The following TUBGCP2 variants were observed in gnomAD, a reference collection of about 807,000 sequenced individuals.
TUBGCP2 encodes tubulin gamma complex component 2.
A neutral mutation model predicts 92.2 loss-of-function variants in TUBGCP2; 55 were observed. That is an observed-to-expected ratio of 0.60 (90% CI 0.48 to 0.75). The LOEUF is 0.75. Among genes scored for constraint, TUBGCP2 ranks in the 30% least tolerant of loss-of-function variants. The probability of loss-of-function intolerance (pLI) is 0.00; values close to 1 mark genes in which losing one functional copy is unlikely to be tolerated. For missense variants in TUBGCP2, 1,093 were observed against 1,188.9 expected, an observed-to-expected ratio of 0.92 and a Z score of 1.19; for synonymous variants, 533 against 505.2, an observed-to-expected ratio of 1.06 and a Z score of -0.74.
intron 17 of TUBGCP2, among the ~76,000 whole-genome samples, chr10:133,280,111 G>A (rs1216395680): frequency 6.6e-6 from 1 of 152,238 alleles, no homozygotes; most frequent in Non-Finnish European, 1.5e-5. Flanking sequence ...ATGGGGAAGT[G>A]TTCAGCTACA....
At chr10:133,311,741 G>C (rs142332607), upstream of TUBGCP2, 1 of 1,613,598 alleles carries the variant, frequency 6.2e-7, no homozygotes, top group Non-Finnish European at 8.5e-7. Context: ...AGCCCCAGGG[G>C]ACAGTGGAGA....
intron 7 of TUBGCP2, 91 bp downstream of exon 7, chr10:133,292,948 C>A: frequency 1.4e-6 from 2 of 1,430,296 alleles, no homozygotes; most frequent in East Asian, 2.4e-5. Flanking sequence ...GCAGCTGCTC[C>A]ACGGCCCCTG....
chr10:133,305,104 G>A lies in TUBGCP2; in HGVS notation c.-39-2124C>T, dbSNP rs556005343. Among the ~76,000 whole-genome samples, 4 of 152,308 alleles carry A rather than the reference G, an allele frequency of 2.6e-5. No homozygotes were observed. The South Asian group carries it at 8.3e-4, about 32-fold the overall frequency. ...CTGACATCAGTCAGGCCCGCCCGCA[G>A]TTATCCGGAGGCCTGACTGTCTCCC... is the stretch of plus-strand genomic sequence containing the variant. On this transcript the variant is annotated intron_variant, in intron 1 of 17. Transcript: ENST00000252936.
chr10:133,297,347 G>T (rs1252187476), intron 5 of TUBGCP2: 1 of 420,884 alleles, frequency 2.4e-6, no homozygotes, highest in South Asian at 1.7e-5. Flanking sequence ...GCAGTGTGCC[G>T]AGATCACGCC....
Position 133,281,412 on chromosome 10 carries a change from C to G in TUBGCP2, c.2434G>C (p.Val812Leu). 6.2e-7 allele frequency: 1 copy of G among 1,613,366 alleles called. No homozygotes were observed. Among genetic ancestry groups the G allele is most frequent in the Non-Finnish European group, 8.5e-7 (1 of 1,180,012 alleles). The change falls in exon 17 of 18, where the codon GTG becomes CTG. Residue 812 changes from valine to leucine, a missense_variant. Transcript: ENST00000252936. ...RKHLAEHADTVQLVSGFEATI... is the reference protein window; with the variant it reads ...RKHLAEHADTLQLVSGFEATI... The stretch of plus-strand genomic sequence containing the variant: ...GCCTCGAAGCCGGACACCAGCTGCA[C>G]AGTGTCTGCGTGCTCAGCCAGGTGC...
intron 14 of TUBGCP2, among the ~76,000 whole-genome samples, chr10:133,283,581 G>A (rs1042102100): frequency 6.6e-5 from 10 of 152,074 alleles, no homozygotes; most frequent in African/African-American, 2.2e-4. Context: ...AAGGGGTCCC[G>A]TGTGTGGCCA....
In TUBGCP2 at chr10:133,283,193, T is replaced by C. The variant is rs749386286; in HGVS notation, c.2174A>G (p.His725Arg). The C allele has an allele frequency of 6.2e-7, 1 of 1,614,190 alleles. No individual in the cohort carries two copies. The highest frequency in any genetic ancestry group is 8.5e-7 in the Non-Finnish European group (1 of 1,180,040). ...SASNIDDVLG[H>R]HTGFLDTCLK... ...GCAGGTGTCCAGGAAGCCTGTGTGG[T>C]GGCCAAGGACGTCGTCAATGTTGGA... Residue 725 changes from histidine (H) to arginine (R), a missense_variant, in exon 15 of 18, where the codon CAC becomes CGC. His to Arg is a conservative substitution (Grantham distance 29). Transcript: ENST00000252936.
chr10:133,288,744 C>G, intron 10 of TUBGCP2, 96 bp downstream of exon 10: 2 of 1,352,620 alleles, frequency 1.5e-6, no homozygotes, highest in Non-Finnish European at 2.0e-6. Context: ...CAAGGCGGAG[C>G]TGCCAGAAGA....
chr10:133,305,228 A>G (rs1268674236), intron 1 of TUBGCP2, among the ~76,000 whole-genome samples: 1 of 152,216 alleles, frequency 6.6e-6, no homozygotes, highest in Non-Finnish European at 1.5e-5. Flanking sequence ...AAAATTAGTG[A>G]AAGTATTAAA....
At chr10:133,297,209 C>T in intron 5 of TUBGCP2, 1 of 306,836 alleles carries the variant, frequency 3.3e-6, no homozygotes, top group South Asian at 2.5e-5. Flanking sequence ...CGAGACCAGT[C>T]TGGCCAACAC....
Position 133,290,031 on chromosome 10 carries a change from T to C in TUBGCP2, c.1215-62A>G, listed in dbSNP as rs1847242723. 3.1e-6 allele frequency: 5 copies of C among 1,593,978 alleles called. No homozygotes were observed. In the South Asian group the frequency reaches 3.3e-5, roughly 11 times the overall value. ...CAAGGGCGCCTGAGGCAGGCGACAC[T>C]TCTCCAGGCCGGCAGCGCGCAGGGA... On this transcript the variant is annotated intron_variant, in intron 8 of 17. Coordinates refer to ENST00000252936, the MANE Select transcript of TUBGCP2 (RefSeq NM_006659.4).
upstream of TUBGCP2, chr10:133,309,062 C>T: frequency 7.7e-7 from 1 of 1,293,202 alleles, no homozygotes; most frequent in South Asian, 3.0e-5. Context: ...GTTGCGCGCC[C>T]CGTGCGCTTC....
At chr10:133,302,756 C>A (rs1847702370) in intron 2 of TUBGCP2, 36 bp downstream of exon 2, 1 of 1,611,050 alleles carries the variant, frequency 6.2e-7, no homozygotes, top group Non-Finnish European at 8.5e-7. Context: ...GAACAGTGCT[C>A]ACCCTGCACA....
At chr10:133,308,875 G>C, upstream of TUBGCP2, 1 of 1,188,048 alleles carries the variant, frequency 8.4e-7, no homozygotes, top group Non-Finnish European at 1.0e-6. Flanking sequence ...GCGGAAGTGA[G>C]CGTGACGTCA....
chr10:133,289,712 C>G, intron 9 of TUBGCP2, 112 bp downstream of exon 9: 1 of 1,357,596 alleles, frequency 7.4e-7, no homozygotes, highest in African/African-American at 1.5e-5. Context: ...CACCAGGGCT[C>G]AGGGCAACCA....
At chr10:133,280,274 C>G (rs1179493999) in intron 17 of TUBGCP2, among the ~76,000 whole-genome samples, 1 of 152,192 alleles carries the variant, frequency 6.6e-6, no homozygotes, top group African/African-American at 2.4e-5. Context: ...CCCATCACCC[C>G]AACAGGGCCT....
chr10:133,307,963 G>C (rs1847866569), intron 1 of TUBGCP2, among the ~76,000 whole-genome samples: 1 of 152,182 alleles, frequency 6.6e-6, no homozygotes, highest in Non-Finnish European at 1.5e-5. Flanking sequence ...AAAAAGTACA[G>C]GGGCAGGCAT....
chr10:133,309,235 GGT>G (rs1564777563), upstream of TUBGCP2: 13 of 975,244 alleles, frequency 1.3e-5, no homozygotes, highest in African/African-American at 3.1e-4. Context: ...GACCTGAGGT[GGT>G]GGGGCGGGGC....
rs749219985 is a variant in TUBGCP2, at chr10:133,285,575, G to A, written c.1776C>T (p.Ile592=). 3.2e-6 allele frequency: 5 copies of A among 1,558,674 alleles called. No homozygotes were observed. The highest frequency in any genetic ancestry group is 4.5e-5 in the East Asian group (2 of 44,202). ...CCATCGCCTTCTCCTGCTTGGTCTC[G>A]ATGGCCAGGACGCGCAAGAGCTGAG... ...LITQLLRVLA[I]ETKQEKAMAH... is the part of the protein sequence containing the mutation. Residue 592 remains isoleucine (I), a synonymous_variant, in exon 12 of 18, where the codon ATC becomes ATT. Transcript: ENST00000252936. The surrounding 1 kb of genome is among the most constrained non-coding windows in gnomAD (Gnocchi z 6.8).
Sources: gnomAD v4.1 joint callset for allele counts (sites outside exome capture counted in the v4.1 genomes callset) on GRCh38, gnomAD v4.1.1 for gene constraint, Gnocchi (gnomAD v3.1) non-coding constraint, MANE v1.5 for transcripts, NCBI Gene and HGNC (gene_info 2026-07-23, HGNC 2026-07-21) for gene names.